Variants in MGAT3 observed in about 807,000 individuals in gnomAD.
The protein encoded by MGAT3 is GlcNAc-T III.
MGAT3 carries 9 observed loss-of-function variants against 29.8 expected under a neutral mutation model. The ratio of observed to expected loss-of-function variants is 0.30; its 90% CI spans 0.18 to 0.53. MGAT3 has a LOEUF of 0.53. Among genes scored for constraint, MGAT3 ranks in the 20% least tolerant of loss-of-function variants. The probability of loss-of-function intolerance (pLI) is 0.96; values close to 1 mark genes in which losing one functional copy is unlikely to be tolerated. For synonymous variants in MGAT3, 397 were observed against 348.9 expected (o/e 1.14, Z -1.54); for missense variants, 557 against 769.5 (o/e 0.72, Z 3.27).
At position 39,487,749 on chromosome 22, in the gene MGAT3, G is replaced by C; in HGVS notation, c.402G>C (p.Glu134Asp). The C allele has an allele frequency of 6.5e-7, 1 of 1,531,224 alleles. No individual in the cohort carries two copies. Among genetic ancestry groups the C allele is most frequent in the Non-Finnish European group, 8.8e-7 (1 of 1,142,112 alleles). 94.9% of individuals were successfully genotyped at this position (1,531,224 alleles called of 1,614,324 possible). A position where few individuals can be genotyped will look rare whatever the true frequency, so the allele number is the denominator to read the frequency against. The part of the protein sequence containing the change: ...MLERPPPGRP[E>D]EKPEGANGSS... ...AGAGGCCGCCCCCGGGACGGCCGGA[G>C]GAGAAGCCTGAGGGGGCCAACGGCT... Residue 134 changes from glutamate (E) to aspartate (D), a missense_variant, in exon 2 of 2, where the codon GAG becomes GAC. Glu to Asp is a conservative substitution (Grantham distance 45). Coordinates refer to ENST00000341184, the MANE Select transcript of MGAT3 (RefSeq NM_002409.5). The surrounding 1 kb of genome is among the most constrained non-coding windows in gnomAD (Gnocchi z 5.7).
chr22:39,458,610 G>A (rs563787151), intron 1 of MGAT3, among the ~76,000 whole-genome samples: 1 of 152,264 alleles, frequency 6.6e-6, no homozygotes, highest in East Asian at 1.9e-4. Context: ...AGTGCTAAGG[G>A]GAGCCGCTCT....
At chr22:39,484,474 GCGATTCT>G (rs1929216079) in intron 1 of MGAT3, among the ~76,000 whole-genome samples, 1 of 152,064 alleles carries the variant, frequency 6.6e-6, no homozygotes, top group Non-Finnish European at 1.5e-5. Context: ...CCTGGTTCAA[GCGATTCT>G]CCTGCCTCAG....
chr22:39,489,188 G>T lies in MGAT3; in HGVS notation c.*239G>T. Reference sequence around the variant, plus strand: ...GCCGTGACGTCTGGGTGGCCCTTATGACTGCCAAGACTGCTGTGGCCAGGA... The same window carrying T: ...GCCGTGACGTCTGGGTGGCCCTTATTACTGCCAAGACTGCTGTGGCCAGGA... On this transcript the variant is annotated 3_prime_UTR_variant, in exon 2 of 2. Coordinates refer to ENST00000341184, the MANE Select transcript of MGAT3 (RefSeq NM_002409.5). 1 of 618,050 alleles carries T rather than the reference G, an allele frequency of 1.6e-6. No homozygotes were observed. Among genetic ancestry groups the T allele is most frequent in the East Asian group, 2.9e-5 (1 of 35,038 alleles). The allele number at this position is 618,050 out of a possible 1,614,324, so 38.3% of individuals were successfully genotyped here.
chr22:39,479,126 C>T (rs925413100), intron 1 of MGAT3, among the ~76,000 whole-genome samples: 3 of 152,196 alleles, frequency 2.0e-5, no homozygotes, highest in Admixed American at 1.3e-4. Flanking sequence ...TCACTTGAGC[C>T]CAGGAGGTCG....
rs1929374868 is a variant in MGAT3 at position 39,488,971 on chromosome 22, T to C, written c.*22T>C. 6.3e-7 allele frequency: 1 copy of C among 1,590,496 alleles called. No homozygotes were observed. The highest frequency in any genetic ancestry group is 8.6e-7 in the Non-Finnish European group (1 of 1,169,568). On this transcript the variant is annotated 3_prime_UTR_variant, in exon 2 of 2. Coordinates refer to ENST00000341184, the MANE Select transcript of MGAT3 (RefSeq NM_002409.5). Reference sequence around the variant, plus strand: ...CTAGAGCTGCATGATCTGATAGGGTTTGTGACAGGGCGGGGGTGGCGGCGG... The same window carrying C: ...CTAGAGCTGCATGATCTGATAGGGTCTGTGACAGGGCGGGGGTGGCGGCGG...
chr22:39,488,851 T>C lies in MGAT3; in HGVS notation c.1504T>C (p.Tyr502His), dbSNP rs1929368113. 1 of 1,607,782 alleles carries C rather than the reference T, an allele frequency of 6.2e-7. No individual in the cohort carries two copies. Among genetic ancestry groups the C allele is most frequent in the Admixed American group, 1.7e-5 (1 of 59,132 alleles). ...DRFHYLLDNP[Y>H]QEPRSTAAGG... is the part of the protein sequence containing the mutation. ...GTTCCACTACCTGCTGGACAACCCC[T>C]ACCAGGAGCCCAGGAGCACGGCGGC... The change falls in exon 2 of 2, where the codon TAC (tyrosine) becomes CAC (histidine). Residue 502 changes from tyrosine (Y) to histidine (H), a missense_variant. Around this residue, in one of 3 missense-constraint regions of MGAT3, gnomAD observed 102 missense variants for 97.0 expected, o/e 1.05. Coordinates refer to ENST00000341184, the MANE Select transcript of MGAT3 (RefSeq NM_002409.5).
chr22:39,489,179 G>T lies in MGAT3; in HGVS notation c.*230G>T. 1 of 658,444 alleles carries T rather than the reference G, an allele frequency of 1.5e-6. No individual in the cohort carries two copies. Among genetic ancestry groups the T allele is most frequent in the East Asian group, 2.8e-5 (1 of 35,802 alleles). 40.8% of individuals were successfully genotyped at this position (658,444 alleles called of 1,614,324 possible). On this transcript the variant is annotated 3_prime_UTR_variant, in exon 2 of 2. Coordinates refer to ENST00000341184, the MANE Select transcript of MGAT3 (RefSeq NM_002409.5). ...AGGGCGCAGGCCGTGACGTCTGGGT[G>T]GCCCTTATGACTGCCAAGACTGCTG... is the stretch of plus-strand genomic sequence containing the variant.
intron 1 of MGAT3, among the ~76,000 whole-genome samples, chr22:39,485,339 C>T (rs1370509689): frequency 2.0e-5 from 3 of 152,176 alleles, no homozygotes; most frequent in Non-Finnish European, 4.4e-5. Flanking sequence ...CCAAATCCAG[C>T]ATGGGGTTTG....
At position 39,489,353 on chromosome 22, in the gene MGAT3, G is replaced by T; in HGVS notation, c.*404G>T. The stretch of plus-strand genomic sequence containing the variant: ...AAAAAGCCCACCATTTGGCATCCCT[G>T]GGCCTTGGGCTCCGTGTGGGAGACC... On this transcript the variant is annotated 3_prime_UTR_variant, in exon 2 of 2. Coordinates refer to ENST00000341184, the MANE Select transcript of MGAT3 (RefSeq NM_002409.5). 1 of 245,338 alleles carries T rather than the reference G, an allele frequency of 4.1e-6. No individual in the cohort carries two copies. The highest frequency in any genetic ancestry group is 8.6e-6 in the Non-Finnish European group (1 of 116,650). The allele number at this position is 245,338 out of a possible 1,614,324, so 15.2% of individuals were successfully genotyped here.
Position 39,457,014 on chromosome 22 carries a change from TCA to T in MGAT3, c.-537_-536del. On this transcript the variant is annotated 5_prime_UTR_variant, in exon 1 of 2. Coordinates refer to ENST00000341184, the MANE Select transcript of MGAT3 (RefSeq NM_002409.5). This position sits in a 1 kb window ranked among gnomAD's most constrained non-coding sequence, Gnocchi z 6.8. Reference sequence around the variant, plus strand: ...AGGAGGGGCGCGCGCACACTCGCACTCACACACACTCGCTCGCACACGCACAC... The same window carrying T: ...AGGAGGGGCGCGCGCACACTCGCACTCACACACTCGCTCGCACACGCACAC... 6.6e-6 allele frequency among the ~76,000 whole-genome samples: 1 copy of T among 151,246 alleles called. No individual in the cohort carries two copies.
chr22:39,472,659 G>C (rs1038499617), intron 1 of MGAT3: 6 of 152,318 alleles, frequency 3.9e-5, no homozygotes, highest in African/African-American at 1.4e-4. Context: ...TTTCACAAAG[G>C]AGGAGACTGA....
intron 1 of MGAT3, among the ~76,000 whole-genome samples, chr22:39,467,721 CGTTTT>C (rs1402608421): frequency 2.0e-5 from 3 of 147,288 alleles, no homozygotes; most frequent in Middle Eastern, 3.3e-3. Flanking sequence ...GGATCTGTTT[CGTTTT>C]GTTTCGTTTC....
chr22:39,488,639 A>G lies in MGAT3; in HGVS notation c.1292A>G (p.Lys431Arg). 1 of 1,613,566 alleles carries G rather than the reference A, an allele frequency of 6.2e-7. No homozygotes were observed. The change falls in exon 2 of 2, where the codon AAG (lysine) becomes AGG (arginine). Residue 431 changes from lysine to arginine, a missense_variant. By Grantham distance (26) the Lys-to-Arg change is conservative (BLOSUM62 2). This residue lies in a region of MGAT3 where 243 missense variants were observed against 444.0 expected (regional missense o/e 0.55). Transcript: ENST00000341184. ...WCFTPEGIYF[K>R]LVSAQNGDFP... ...TTCACGCCCGAGGGCATCTACTTCA[A>G]GCTCGTGTCCGCCCAGAATGGCGAC...
intron 1 of MGAT3, among the ~76,000 whole-genome samples, chr22:39,463,785 A>G (rs996203170): frequency 3.9e-5 from 6 of 151,986 alleles, no homozygotes; most frequent in Non-Finnish European, 7.4e-5. Flanking sequence ...GTATGGTGGC[A>G]AACGCCTATA....
chr22:39,486,763 G>T (rs1362119161), intron 1 of MGAT3, among the ~76,000 whole-genome samples: 1 of 151,906 alleles, frequency 6.6e-6, no homozygotes, highest in Non-Finnish European at 1.5e-5. Context: ...AGCCTCTGAA[G>T]GTGTTGGGAT....
chr22:39,475,807 G>A (rs1928942437), intron 1 of MGAT3: 1 of 152,386 alleles, frequency 6.6e-6, no homozygotes, highest in East Asian at 1.9e-4. Flanking sequence ...AGAGCATGCA[G>A]CTATTAAAAT....
Position 39,457,725 on chromosome 22 carries a change from G to C in MGAT3, c.-2+168G>C, listed in dbSNP as rs1601714682. On this transcript the variant is annotated intron_variant, in intron 1 of 1. Coordinates refer to ENST00000341184, the MANE Select transcript of MGAT3 (RefSeq NM_002409.5). The surrounding 1 kb of genome is among the most constrained non-coding windows in gnomAD (Gnocchi z 6.8). Reference sequence around the variant, plus strand: ...CTGGGGCTGGGGGCCCGGAGGCCGCGGTGGGGGCGGGATGCCGGGGAAGCC... The same window carrying C: ...CTGGGGCTGGGGGCCCGGAGGCCGCCGTGGGGGCGGGATGCCGGGGAAGCC... 6.6e-6 allele frequency among the ~76,000 whole-genome samples: 1 copy of C among 150,470 alleles called. No homozygotes were observed. The highest frequency in any genetic ancestry group is 2.1e-4 in the South Asian group (1 of 4,820).
At chr22:39,467,691 T>G (rs540363455) in intron 1 of MGAT3, among the ~76,000 whole-genome samples, 1 of 151,448 alleles carries the variant, frequency 6.6e-6, no homozygotes, top group Non-Finnish European at 1.5e-5. Context: ...ATTTCGTTTC[T>G]TTTCTTTCAG....
At chr22:39,483,856 A>C (rs1279033036) in intron 1 of MGAT3, among the ~76,000 whole-genome samples, 2 of 152,166 alleles carry the variant, frequency 1.3e-5, no homozygotes. Flanking sequence ...CCTACCCCAG[A>C]TTGTTCTACC....
Sources: gnomAD v4.1 joint callset for allele counts (sites outside exome capture counted in the v4.1 genomes callset) on GRCh38, gnomAD v4.1.1 for gene constraint, gnomAD v4.1.1 regional missense constraint, Gnocchi (gnomAD v3.1) non-coding constraint, MANE v1.5 for transcripts, NCBI Gene and HGNC (gene_info 2026-07-23, HGNC 2026-07-21) for gene names.